Variants in FOXN3 observed in about 807,000 individuals in gnomAD.
FOXN3 encodes the protein forkhead box N3.
In FOXN3, 7 loss-of-function variants were observed where a neutral mutation model predicts 38.4. That is an observed-to-expected ratio of 0.18 (90% CI 0.10 to 0.34). The LOEUF is 0.34. Among genes scored for constraint, FOXN3 ranks in the 10% least tolerant of loss-of-function variants. The pLI is 1.00. For missense variants in FOXN3, 456 were observed against 613.4 expected (o/e 0.74, Z 2.71); for synonymous variants, 230 against 242.2 (o/e 0.95, Z 0.47).
chr14:89,588,652 G>A (rs964620406), intron 1 of FOXN3, among the ~76,000 whole-genome samples: 1 of 152,178 alleles, frequency 6.6e-6, no homozygotes, highest in African/African-American at 2.4e-5. Context: ...AAGGTGTTGG[G>A]TAGCAGTATA....
At chr14:89,266,437 A>T (rs1885980820) in intron 4 of FOXN3, among the ~76,000 whole-genome samples, 1 of 152,000 alleles carries the variant, frequency 6.6e-6, no homozygotes, top group Non-Finnish European at 1.5e-5. Context: ...ATTCAGTCAC[A>T]TGCGGGGCGG....
chr14:89,297,199 G>A (rs80057875), intron 3 of FOXN3, among the ~76,000 whole-genome samples: 1 of 152,164 alleles, frequency 6.6e-6, no homozygotes, highest in Admixed American at 6.5e-5. Flanking sequence ...TGCCACGGAG[G>A]CGGCGCAAAA....
At chr14:89,508,586 C>A (rs550090325) in intron 1 of FOXN3, among the ~76,000 whole-genome samples, 1 of 152,316 alleles carries the variant, frequency 6.6e-6, no homozygotes, top group South Asian at 2.1e-4. Flanking sequence ...CATCTCCTTG[C>A]AGGTGAAACT....
intron 4 of FOXN3, among the ~76,000 whole-genome samples, chr14:89,205,219 G>A (rs536190348): frequency 6.6e-6 from 1 of 152,074 alleles, no homozygotes; most frequent in South Asian, 2.1e-4. Flanking sequence ...TGATCAGAAT[G>A]TGTGTGTCCC....
chr14:89,390,017 C>T (rs568563777), intron 2 of FOXN3, among the ~76,000 whole-genome samples: 26 of 151,930 alleles, frequency 1.7e-4, no homozygotes, highest in African/African-American at 6.0e-4. Context: ...CTCAGGAGTT[C>T]GAGACCAGCC....
chr14:89,242,097 T>A (rs1885156795), intron 4 of FOXN3, among the ~76,000 whole-genome samples: 1 of 152,158 alleles, frequency 6.6e-6, no homozygotes, highest in Non-Finnish European at 1.5e-5. Context: ...TGGAGGATAT[T>A]TGGCTTGAAT....
At chr14:89,387,358 T>G (rs1343992550) in intron 2 of FOXN3, among the ~76,000 whole-genome samples, 1 of 152,172 alleles carries the variant, frequency 6.6e-6, no homozygotes, top group Non-Finnish European at 1.5e-5. Context: ...AGTATAATAT[T>G]TACTGAGTGT....
At chr14:89,532,481 AC>A (rs1894589924) in intron 1 of FOXN3, among the ~76,000 whole-genome samples, 1 of 152,080 alleles carries the variant, frequency 6.6e-6, no homozygotes, top group Non-Finnish European at 1.5e-5. Flanking sequence ...ATTTTTTAAA[AC>A]CCTCTTCCCT....
intron 1 of FOXN3, among the ~76,000 whole-genome samples, chr14:89,591,842 C>A (rs570941817): frequency 6.6e-6 from 1 of 152,246 alleles, no homozygotes; most frequent in Non-Finnish European, 1.5e-5. Flanking sequence ...AGAGGGTCAC[C>A]TGAGCCCAGG....
At chr14:89,558,794 A>C (rs1239120812) in intron 1 of FOXN3, among the ~76,000 whole-genome samples, 1 of 152,174 alleles carries the variant, frequency 6.6e-6, no homozygotes, top group African/African-American at 2.4e-5. Context: ...CCATTGCCCC[A>C]GCTGCCGTAG....
intron 3 of FOXN3, among the ~76,000 whole-genome samples, chr14:89,296,198 C>T (rs371553468): frequency 6.6e-6 from 1 of 152,088 alleles, no homozygotes; most frequent in South Asian, 2.1e-4. Flanking sequence ...AAAACCACGG[C>T]TACGATTTTA....
intron 3 of FOXN3, among the ~76,000 whole-genome samples, chr14:89,282,946 A>G (rs1886506218): frequency 6.6e-6 from 1 of 152,200 alleles, no homozygotes; most frequent in South Asian, 2.1e-4. Context: ...TAAATCACTG[A>G]TCACCACTGT....
At chr14:89,601,322 A>G (rs1896147977) in intron 1 of FOXN3, among the ~76,000 whole-genome samples, 1 of 152,258 alleles carries the variant, frequency 6.6e-6, no homozygotes, top group Non-Finnish European at 1.5e-5. Flanking sequence ...ATCAGCATAT[A>G]AAGTAATTTG....
rs1887167369 is a variant in FOXN3 at position 89,163,744 on chromosome 14, T to A, written c.852-775A>T. ...TAACTCCGTAAGGTGGATATTAGCA[T>A]CCTTATTTTACAGTGGCTCGAAGTG... On this transcript the variant is annotated intron_variant, in intron 5 of 5. Transcript: ENST00000557258. The surrounding 1 kb of genome is among the most constrained non-coding windows in gnomAD (Gnocchi z 4.3). Among the ~76,000 whole-genome samples, 1 of 152,206 alleles carries A rather than the reference T, an allele frequency of 6.6e-6. No homozygotes were observed. Among genetic ancestry groups the A allele is most frequent in the Admixed American group, 6.5e-5 (1 of 15,280 alleles).
chr14:89,223,643 T>C (rs555309742), intron 4 of FOXN3, among the ~76,000 whole-genome samples: 7 of 152,330 alleles, frequency 4.6e-5, no homozygotes, highest in African/African-American at 1.7e-4. Context: ...TTTATAGCAA[T>C]TCTCCCACTG....
At chr14:89,355,645 A>G (rs1889187752) in intron 2 of FOXN3, among the ~76,000 whole-genome samples, 2 of 152,264 alleles carry the variant, frequency 1.3e-5, no homozygotes, top group Non-Finnish European at 2.9e-5. Flanking sequence ...GAATGTAACA[A>G]ACTAGAACCA....
intron 2 of FOXN3, among the ~76,000 whole-genome samples, chr14:89,378,826 C>T (rs1359660320): frequency 1.3e-5 from 2 of 151,830 alleles, no homozygotes; most frequent in African/African-American, 2.4e-5. Context: ...CCTGCCTTAG[C>T]CTCCCGAGTA....
chr14:89,612,568 G>GA (rs1251549708), intron 1 of FOXN3, among the ~76,000 whole-genome samples: 5 of 152,116 alleles, frequency 3.3e-5, no homozygotes, highest in Non-Finnish European at 7.4e-5. Context: ...GGCTGAGGTA[G>GA]GAGGATTGCT....
At chr14:89,409,905 T>A (rs1159236614) in intron 2 of FOXN3, among the ~76,000 whole-genome samples, 1 of 152,132 alleles carries the variant, frequency 6.6e-6, no homozygotes, top group African/African-American at 2.4e-5. Flanking sequence ...AGGAAATTCC[T>A]CTCCCTGATT....
Sources: gnomAD v4.1 joint callset for allele counts (sites outside exome capture counted in the v4.1 genomes callset) on GRCh38, gnomAD v4.1.1 for gene constraint, Gnocchi (gnomAD v3.1) non-coding constraint, MANE v1.5 for transcripts, NCBI Gene and HGNC (gene_info 2026-07-23, HGNC 2026-07-21) for gene names.